Variants in SCRG1 observed in about 807,000 individuals in gnomAD.
The protein encoded by SCRG1 is stimulator of chondrogenesis 1.
SCRG1 carries 3 observed loss-of-function variants against 7.7 expected under a neutral mutation model. The ratio of observed to expected loss-of-function variants is 0.39; its 90% CI spans 0.18 to 1.01. The LOEUF is 1.01. SCRG1 is among the 50% of genes least tolerant of loss of function. The probability of loss-of-function intolerance (pLI) is 0.36; values close to 1 mark genes in which losing one functional copy is unlikely to be tolerated. For synonymous variants in SCRG1, 46 were observed against 41.2 expected (o/e 1.12, Z -0.44); for missense variants, 110 against 117.2 (o/e 0.94, Z 0.28).
upstream of SCRG1, among the ~76,000 whole-genome samples, chr4:173,411,099 C>A (rs944157042): frequency 7.2e-5 from 11 of 152,186 alleles, no homozygotes; most frequent in Admixed American, 1.3e-4. Context: ...ATAATGCCCA[C>A]CACCTGCAAT....
At chr4:173,442,695 A>G in the SCRG1 span, among the ~76,000 whole-genome samples, 5 of 152,174 alleles carry the variant, frequency 3.3e-5, no homozygotes, top group African/African-American at 1.2e-4. Flanking sequence ...AAAATCCAAT[A>G]TCAAAGGGCC....
chr4:173,490,777 A>G, the SCRG1 span, among the ~76,000 whole-genome samples: 1 of 152,242 alleles, frequency 6.6e-6, no homozygotes, highest in South Asian at 2.1e-4. Flanking sequence ...TACAAAGAGT[A>G]ATACAGTTCT....
chr4:173,405,556 A>T (rs1210458391), intron 1 of SCRG1, among the ~76,000 whole-genome samples: 1 of 152,190 alleles, frequency 6.6e-6, no homozygotes, highest in Non-Finnish European at 1.5e-5. Context: ...TAAATTTTGG[A>T]GAATTTTTCT....
intron 1 of SCRG1, among the ~76,000 whole-genome samples, chr4:173,393,011 A>G (rs1739498473): frequency 1.3e-5 from 2 of 152,104 alleles, no homozygotes; most frequent in Admixed American, 1.3e-4. Context: ...CAATGGCTTG[A>G]ACCTGGGAGA....
At chr4:173,461,167 A>G in the SCRG1 span, among the ~76,000 whole-genome samples, 2 of 152,262 alleles carry the variant, frequency 1.3e-5, no homozygotes, top group East Asian at 3.9e-4. Context: ...AGGGAAGAAC[A>G]CAGGCCTGGC....
the SCRG1 span, among the ~76,000 whole-genome samples, chr4:173,485,732 G>A: frequency 6.6e-6 from 1 of 152,218 alleles, no homozygotes; most frequent in African/African-American, 2.4e-5. Context: ...CACTTTTGGA[G>A]GCTGAGACAG....
the SCRG1 span, among the ~76,000 whole-genome samples, chr4:173,508,098 G>A: frequency 6.6e-6 from 1 of 151,866 alleles, no homozygotes; most frequent in African/African-American, 2.4e-5. The surrounding 1 kb of genome is among the most constrained non-coding windows in gnomAD (Gnocchi z 4.4). Flanking sequence ...GGAAAAGCCC[G>A]AGAAAAGCCC....
At chr4:173,455,742 G>A in the SCRG1 span, among the ~76,000 whole-genome samples, 2 of 152,134 alleles carry the variant, frequency 1.3e-5, no homozygotes, top group African/African-American at 2.4e-5. Flanking sequence ...CCAAAGCATT[G>A]TCTTTCATTG....
At chr4:173,432,060 G>T in the SCRG1 span, among the ~76,000 whole-genome samples, 1 of 152,240 alleles carries the variant, frequency 6.6e-6, no homozygotes, top group African/African-American at 2.4e-5. Flanking sequence ...GTAAAAGCCA[G>T]ATTAGCATAA....
At chr4:173,498,797 G>A in the SCRG1 span, among the ~76,000 whole-genome samples, 1 of 152,190 alleles carries the variant, frequency 6.6e-6, no homozygotes, top group African/African-American at 2.4e-5. Flanking sequence ...GACAGATAGA[G>A]ACAGAAATAA....
At chr4:173,417,062 T>C in the SCRG1 span, among the ~76,000 whole-genome samples, 1 of 145,052 alleles carries the variant, frequency 6.9e-6, no homozygotes, top group African/African-American at 2.6e-5. Context: ...AATCACATCT[T>C]CACACACAAC....
the SCRG1 span, among the ~76,000 whole-genome samples, chr4:173,510,881 C>T: frequency 6.6e-6 from 1 of 152,196 alleles, no homozygotes; most frequent in East Asian, 1.9e-4. This position sits in a 1 kb window ranked among gnomAD's most constrained non-coding sequence, Gnocchi z 5.7. Flanking sequence ...ATTCCCTCTC[C>T]CTAGTAGAGA....
the SCRG1 span, among the ~76,000 whole-genome samples, chr4:173,494,880 A>G: frequency 6.6e-6 from 1 of 152,246 alleles, no homozygotes; most frequent in Non-Finnish European, 1.5e-5. Context: ...CAATTTACGC[A>G]TTGATTGGTT....
the SCRG1 span, among the ~76,000 whole-genome samples, chr4:173,434,459 T>C: frequency 0.073 from 11,154 of 152,196 alleles, 471 homozygotes; most frequent in Non-Finnish European, 0.08. Context: ...TGGTAAAGTA[T>C]TGGAATCAGG....
At chr4:173,509,439 C>T in the SCRG1 span, among the ~76,000 whole-genome samples, 1 of 152,194 alleles carries the variant, frequency 6.6e-6, no homozygotes, top group Non-Finnish European at 1.5e-5. The surrounding 1 kb of genome is among the most constrained non-coding windows in gnomAD (Gnocchi z 5.7). Flanking sequence ...GGGGTCGAGA[C>T]GGTGTCGGTA....
intron 1 of SCRG1, 58 bp from the exon 2 acceptor site, chr4:173,391,486 T>A (rs1050892657): frequency 6.4e-7 from 1 of 1,563,960 alleles, no homozygotes; most frequent in Non-Finnish European, 8.7e-7. Flanking sequence ...ATAGAATTCA[T>A]CTGAATGAAG....
chr4:173,404,745 C>G (rs1453198955), intron 1 of SCRG1, among the ~76,000 whole-genome samples: 1 of 152,174 alleles, frequency 6.6e-6, no homozygotes, highest in Non-Finnish European at 1.5e-5. Context: ...ACTTGGCCAG[C>G]CTGGCTGCTG....
chr4:173,472,262 C>T, the SCRG1 span, among the ~76,000 whole-genome samples: 1 of 152,136 alleles, frequency 6.6e-6, no homozygotes, highest in Non-Finnish European at 1.5e-5. Flanking sequence ...TTATGATTTT[C>T]TTTACCAGTT....
chr4:173,479,444 T>G, the SCRG1 span, among the ~76,000 whole-genome samples: 1 of 116,288 alleles, frequency 8.6e-6, no homozygotes, highest in Non-Finnish European at 1.9e-5. Flanking sequence ...TGTTTTTTTG[T>G]TTTTTTTTTT....
Sources: allele counts gnomAD v4.1 joint callset (sites outside exome capture counted in the v4.1 genomes callset), GRCh38; gene constraint gnomAD v4.1.1; non-coding constraint Gnocchi (gnomAD v3.1); transcripts MANE v1.5; gene names NCBI Gene and HGNC (gene_info 2026-07-23, HGNC 2026-07-21).